The following MBD5 variants were observed in gnomAD, a reference collection of about 807,000 sequenced individuals.
The protein encoded by MBD5 is methyl-CpG-binding domain protein 5.
MBD5 carries 13 observed loss-of-function variants against 117.3 expected under a neutral mutation model. That is an observed-to-expected ratio of 0.11 (90% CI 0.07 to 0.18). The LOEUF (loss-of-function observed/expected upper bound fraction) is 0.18. Ranked by LOEUF, MBD5 falls within the 10% of genes least tolerant of loss-of-function variation. The pLI is 1.00. For synonymous variants in MBD5, 727 were observed against 766.4 expected (o/e 0.95, Z 0.85); for missense variants, 1,879 against 2,093.8 (o/e 0.90, Z 2.00).
intron 4 of MBD5, among the ~76,000 whole-genome samples, chr2:148,376,686 G>T (rs1010175554): frequency 7.1e-6 from 1 of 140,642 alleles, no homozygotes; most frequent in Non-Finnish European, 1.5e-5. Context: ...CTCTAGAGGG[G>T]CAGAACTGAT....
intron 1 of MBD5, among the ~76,000 whole-genome samples, chr2:148,148,529 T>C (rs1697535541): frequency 6.6e-6 from 1 of 152,252 alleles, no homozygotes; most frequent in African/African-American, 2.4e-5. Context: ...TGTTTGCCAG[T>C]GTTATTACCT....
In MBD5 at chr2:148,489,983, C is replaced by T. The variant is rs753060251; in HGVS notation, c.4351C>T (p.His1451Tyr). The part of the protein sequence containing the change: ...NRWKYEEFLD[H>Y]PGHIHSSPCH... ...GTGGAAGTACGAGGAATTTTTAGATCATCCAGGCCATATCCACAGTAGTCC... is the reference window on the plus strand; with the variant it reads ...GTGGAAGTACGAGGAATTTTTAGATTATCCAGGCCATATCCACAGTAGTCC... Residue 1451 changes from histidine (H) to tyrosine (Y), a missense_variant, in exon 11 of 14, where the codon CAT becomes TAT. By Grantham distance (83) the His-to-Tyr change is moderately conservative (BLOSUM62 2). Transcript: ENST00000642680. 2.5e-6 allele frequency: 4 copies of T among 1,613,980 alleles called. No homozygotes were observed. In the Admixed American group the frequency reaches 5.0e-5, roughly 20 times the overall value.
At chr2:148,150,509 T>C (rs1268749350) in intron 1 of MBD5, among the ~76,000 whole-genome samples, 1 of 152,208 alleles carries the variant, frequency 6.6e-6, no homozygotes. Context: ...GGGATGGCCT[T>C]GAATCTGTAA....
intron 2 of MBD5, among the ~76,000 whole-genome samples, chr2:148,226,814 G>GT (rs765112233): frequency 2.6e-5 from 4 of 152,208 alleles, no homozygotes; most frequent in Non-Finnish European, 4.4e-5. Context: ...TCTAACTGGT[G>GT]TGAGATGGTA....
chr2:148,260,114 A>T (rs1373575827), intron 3 of MBD5, among the ~76,000 whole-genome samples: 47 of 152,182 alleles, frequency 3.1e-4, no homozygotes, highest in Non-Finnish European at 4.4e-5. Context: ...TCTTCCCTTC[A>T]TGTAAGATTT....
chr2:148,280,873 G>A (rs1420854749), intron 3 of MBD5, among the ~76,000 whole-genome samples: 1 of 152,176 alleles, frequency 6.6e-6, no homozygotes, highest in African/African-American at 2.4e-5. Flanking sequence ...TTAGGCTACA[G>A]TTGTTTTTCC....
intron 1 of MBD5, among the ~76,000 whole-genome samples, chr2:148,059,643 C>A (rs915673432): frequency 6.6e-6 from 1 of 151,746 alleles, no homozygotes; most frequent in South Asian, 2.1e-4. Context: ...GTCAGGAGAT[C>A]GAGACCATCC....
At chr2:148,174,821 G>T (rs114516077) in intron 1 of MBD5, among the ~76,000 whole-genome samples, 98 of 151,758 alleles carry the variant, frequency 6.5e-4, no homozygotes, top group Non-Finnish European at 1.0e-3. Context: ...TGTTGATGAC[G>T]ATGTAAAGAA....
chr2:148,502,191 A>G (rs1400860055), intron 11 of MBD5, among the ~76,000 whole-genome samples: 1 of 152,214 alleles, frequency 6.6e-6, no homozygotes, highest in Non-Finnish European at 1.5e-5. Context: ...TATTCCCAAA[A>G]TATTATTTTC....
intron 3 of MBD5, among the ~76,000 whole-genome samples, chr2:148,340,390 A>G (rs1702906188): frequency 6.6e-6 from 1 of 152,118 alleles, no homozygotes; most frequent in Non-Finnish European, 1.5e-5. Context: ...TACATTGGTG[A>G]TGGTATGCCT....
intron 1 of MBD5, among the ~76,000 whole-genome samples, chr2:148,087,002 TA>T (rs980758805): frequency 2.6e-5 from 4 of 152,002 alleles, no homozygotes; most frequent in South Asian, 2.1e-4. Flanking sequence ...TTGCAGTTAT[TA>T]AAAAAAACTG....
intron 1 of MBD5, among the ~76,000 whole-genome samples, chr2:148,150,079 AC>A (rs1274268017): frequency 9.5e-6 from 1 of 105,066 alleles, no homozygotes; most frequent in Non-Finnish European, 2.0e-5. Context: ...TTTAGGTCTA[AC>A]ATTTAAGTCT....
At position 148,185,964 on chromosome 2, in the gene MBD5, C is replaced by T. The variant is rs147350309; in HGVS notation, c.-831+7171C>T. Among the ~76,000 whole-genome samples the T allele has an allele frequency of 2.3e-3, 346 of 152,206 alleles. 3 individuals carry two copies. Among genetic ancestry groups the T allele is most frequent in the East Asian group, 0.011 (56 of 5,188 alleles). On this transcript the variant is annotated intron_variant, in intron 2 of 13. Transcript: ENST00000642680. The stretch of plus-strand genomic sequence containing the variant: ...AAATGTGGATATTTAGCATGATTTG[C>T]GTATCTCTGTTATAAAGTACTTCTC...
chr2:148,154,952 C>T (rs538853907), intron 1 of MBD5, among the ~76,000 whole-genome samples: 2 of 152,320 alleles, frequency 1.3e-5, no homozygotes, highest in South Asian at 4.1e-4. Flanking sequence ...ATCTTGGCTC[C>T]TCCCTAAATA....
At chr2:148,320,474 C>T (rs1289764436) in intron 3 of MBD5, among the ~76,000 whole-genome samples, 1 of 152,110 alleles carries the variant, frequency 6.6e-6, no homozygotes, top group Non-Finnish European at 1.5e-5. Context: ...CCATTTCACC[C>T]TCCCAAGTAG....
intron 4 of MBD5, among the ~76,000 whole-genome samples, chr2:148,446,036 T>G (rs1706499123): frequency 1.3e-5 from 2 of 151,108 alleles, no homozygotes; most frequent in Admixed American, 1.3e-4. Context: ...ATATTAGCCC[T>G]TTGTCAGATG....
intron 3 of MBD5, among the ~76,000 whole-genome samples, chr2:148,310,541 C>A (rs1484406969): frequency 1.3e-5 from 2 of 152,100 alleles, no homozygotes; most frequent in East Asian, 3.9e-4. Context: ...CTCTTTTCTT[C>A]TTTATTAGTC....
chr2:148,295,468 C>T (rs1297666093), intron 3 of MBD5, among the ~76,000 whole-genome samples: 1 of 152,068 alleles, frequency 6.6e-6, no homozygotes, highest in Non-Finnish European at 1.5e-5. Flanking sequence ...CCCTGCATTT[C>T]TATTTCTTGA....
At chr2:148,371,440 A>G (rs1703850112) in intron 4 of MBD5, among the ~76,000 whole-genome samples, 1 of 152,184 alleles carries the variant, frequency 6.6e-6, no homozygotes, top group Non-Finnish European at 1.5e-5. Context: ...AAAAAAGAGA[A>G]ACTCTTTCTT....
Sources: allele counts gnomAD v4.1 joint callset (sites outside exome capture counted in the v4.1 genomes callset), GRCh38; gene constraint gnomAD v4.1.1; transcripts MANE v1.5; gene names NCBI Gene and HGNC (gene_info 2026-07-23, HGNC 2026-07-21).